The following OR56A4 variants were observed in gnomAD, a reference collection of about 807,000 sequenced individuals.
The protein encoded by OR56A4 is olfactory receptor family 56 subfamily A member 4.
In OR56A4, 9 loss-of-function variants were observed where a neutral mutation model predicts 13.6. The ratio of observed to expected loss-of-function variants is 0.66; its 90% CI spans 0.40 to 1.15. The LOEUF is 1.15. OR56A4 is among the 50% of genes most tolerant of loss of function. OR56A4 has a pLI of 0.01. For missense variants in OR56A4, 380 were observed against 375.9 expected (o/e 1.01, Z -0.09); for synonymous variants, 167 against 153.9 (o/e 1.08, Z -0.63).
intron 2 of OR56A4, among the ~76,000 whole-genome samples, chr11:6,004,461 G>C (rs913874483): frequency 2.0e-5 from 3 of 152,342 alleles, no homozygotes; most frequent in Admixed American, 2.0e-4. Context: ...TAAGAGGATT[G>C]AGGTGTGCAT....
intron 2 of OR56A4, among the ~76,000 whole-genome samples, chr11:6,005,259 G>T (rs543592127): frequency 6.6e-6 from 1 of 151,934 alleles, no homozygotes; most frequent in African/African-American, 2.4e-5. Flanking sequence ...GAGCATCAAA[G>T]GACAAAAAAA....
At position 6,002,376 on chromosome 11, in the gene OR56A4, C is replaced by A. The variant is rs1226161950; in HGVS notation, c.617G>T (p.Gly206Val). 1.9e-6 allele frequency: 3 copies of A among 1,614,070 alleles called. No individual in the cohort carries two copies. Among genetic ancestry groups the A allele is most frequent in the African/African-American group, 1.3e-5 (1 of 74,934 alleles). The part of the protein sequence containing the change: ...TFNQLYQFVA[G>V]WTLLGSDLIL... ...AAGATCAGAGCCCAACAGAGTCCAG[C>A]CTGCCACAAACTGGTAGAGCTGATT... The change falls in exon 3 of 3, where the codon GGC (glycine) becomes GTC (valine). Residue 206 changes from glycine (G) to valine (V), a missense_variant. By Grantham distance (109) the Gly-to-Val change is moderately radical. Transcript: ENST00000641156.
In OR56A4 at chr11:6,002,293, C is replaced by CGG; in HGVS notation, c.698_699dup (p.Glu234ProfsTer9). The CGG allele has an allele frequency of 6.2e-7, 1 of 1,614,166 alleles. No homozygotes were observed. Among genetic ancestry groups the CGG allele is most frequent in the Non-Finnish European group, 8.5e-7 (1 of 1,180,026 alleles). ...CTCAAGGCCTTGGCCACAGCACCCT[C>CGG]GGCCTTGATCCTAAGCACAACTTTC... On this transcript the variant is annotated frameshift_variant, in exon 3 of 3. Transcript: ENST00000641156. LOFTEE classifies it high-confidence loss of function.
At chr11:6,004,291 T>C (rs899712487) in intron 2 of OR56A4, among the ~76,000 whole-genome samples, 1 of 151,804 alleles carries the variant, frequency 6.6e-6, no homozygotes, top group African/African-American at 2.4e-5. Context: ...GGGGCGGAGG[T>C]TGCAGTGAGC....
At position 6,002,979 on chromosome 11, in the gene OR56A4, C is replaced by T; in HGVS notation, c.14G>A (p.Ser5Asn). Reference sequence around the variant, plus strand: ...AGAGACTGGGGCAGTGGAGTCATTGCTGGGAGATGCCATGTAAAGTTTCCT... The same window carrying T: ...AGAGACTGGGGCAGTGGAGTCATTGTTGGGAGATGCCATGTAAAGTTTCCT... MASP[S>N]NDSTAPVSEF... Residue 5 changes from serine (S) to asparagine (N), a missense_variant, in exon 3 of 3, where the codon AGC (serine) becomes AAC (asparagine). Ser to Asn is a conservative substitution (Grantham distance 46, BLOSUM62 1). Coordinates refer to ENST00000641156, the MANE Select transcript of OR56A4 (RefSeq NM_001005179.4). 6.2e-7 allele frequency: 1 copy of T among 1,614,032 alleles called. No individual in the cohort carries two copies.
At position 6,002,925 on chromosome 11, in the gene OR56A4, A is replaced by T; in HGVS notation, c.68T>A (p.Phe23Tyr). 2 of 1,613,878 alleles carry T rather than the reference A, an allele frequency of 1.2e-6. No homozygotes were observed. Among genetic ancestry groups the T allele is most frequent in the Non-Finnish European group, 1.7e-6 (2 of 1,179,918 alleles). The change falls in exon 3 of 3, where the codon TTC (phenylalanine) becomes TAC (tyrosine). Residue 23 changes from phenylalanine to tyrosine, a missense_variant. Transcript: ENST00000641156. ...SEFLLICFPN[F>Y]QSWQHWLSLP... The stretch of plus-strand genomic sequence containing the variant: ...AGACAACCAGTGCTGCCAGCTCTGG[A>T]AGTTGGGGAAGCAGATGAGGAGGAA...
chr11:6,002,725 A>C lies in OR56A4; in HGVS notation c.268T>G (p.Phe90Val). The change falls in exon 3 of 3, where the codon TTT (phenylalanine) becomes GTT (valine). Residue 90 changes from phenylalanine to valine, a missense_variant. Phe to Val is a conservative substitution (Grantham distance 50, BLOSUM62 -1). Coordinates refer to ENST00000641156, the MANE Select transcript of OR56A4 (RefSeq NM_001005179.4). ...VIPKVLAIFWFDLRSISFPAC... is the reference protein window; with the variant it reads ...VIPKVLAIFWVDLRSISFPAC... ...GGGAAGCTGATCGACCTGAGGTCAA[A>C]CCAGAAGATGGCCAGGACCTTGGGG... 6.2e-7 allele frequency: 1 copy of C among 1,614,226 alleles called. No homozygotes were observed. The highest frequency in any genetic ancestry group is 2.2e-5 in the East Asian group (1 of 44,890).
chr11:6,006,173 T>C (rs1275659043), intron 2 of OR56A4, 76 bp downstream of exon 2: 1 of 152,188 alleles, frequency 6.6e-6, no homozygotes, highest in African/African-American at 2.4e-5. Flanking sequence ...GGAAGACATA[T>C]GTTCTTTTGG....
At chr11:6,004,524 T>A (rs1465138326) in intron 2 of OR56A4, among the ~76,000 whole-genome samples, 1 of 152,224 alleles carries the variant, frequency 6.6e-6, no homozygotes, top group African/African-American at 2.4e-5. Flanking sequence ...AAGTATTTAT[T>A]TAATCCAAGA....
chr11:6,002,702 G>A lies in OR56A4; in HGVS notation c.291C>T (p.Phe97=). The A allele has an allele frequency of 6.2e-7, 1 of 1,614,236 alleles. No individual in the cohort carries two copies. Among genetic ancestry groups the A allele is most frequent in the Non-Finnish European group, 8.5e-7 (1 of 1,180,046 alleles). ...IFWFDLRSIS[F]PACFLQMFIM... ...TGAACATCTGGAGGAAGCAGGCTGGGAAGCTGATCGACCTGAGGTCAAACC... is the reference window on the plus strand; with the variant it reads ...TGAACATCTGGAGGAAGCAGGCTGGAAAGCTGATCGACCTGAGGTCAAACC... Residue 97 remains phenylalanine (F), a synonymous_variant, in exon 3 of 3, where the codon TTC becomes TTT. Transcript: ENST00000641156.
rs183135702 is a variant in OR56A4 at position 6,002,202 on chromosome 11, G to A, written c.791C>T (p.Thr264Ile). The A allele has an allele frequency of 4.1e-4, 657 of 1,614,194 alleles. 1 individual carries two copies. The highest frequency in any genetic ancestry group is 5.0e-5 in the Admixed American group (3 of 60,036). The change falls in exon 3 of 3, where the codon ACT becomes ATT. Residue 264 changes from threonine (T) to isoleucine (I), a missense_variant. Coordinates refer to ENST00000641156, the MANE Select transcript of OR56A4 (RefSeq NM_001005179.4). ...AGGAATTCTCTTCCTGGCCAGGTTA[G>A]TGATGACCAGAACCAGCAGGACTGT... Reference protein sequence around the residue: ...FSTVLLVLVITNLARKRIPPD... With the variant: ...FSTVLLVLVIINLARKRIPPD...
rs183421546 is a variant in OR56A4, at chr11:6,005,271, T to C, written c.-37+978A>G. Among the ~76,000 whole-genome samples, 441 of 152,064 alleles carry C rather than the reference T, an allele frequency of 2.9e-3. 2 individuals carry two copies. Among genetic ancestry groups the C allele is most frequent in the African/African-American group, 0.01 (433 of 41,448 alleles). On this transcript the variant is annotated intron_variant, in intron 2 of 2. Coordinates refer to ENST00000641156, the MANE Select transcript of OR56A4 (RefSeq NM_001005179.4). ...TAAGAGCATCAAAGGACAAAAAAAA[T>C]GAGGTAACATTTCGTGGGGGAGAAT...
intron 2 of OR56A4, among the ~76,000 whole-genome samples, chr11:6,004,208 T>A (rs1314293173): frequency 6.6e-6 from 1 of 152,008 alleles, no homozygotes; most frequent in Non-Finnish European, 1.5e-5. Flanking sequence ...AAAAATTAGC[T>A]GGGTGTGGTG....
intron 2 of OR56A4, among the ~76,000 whole-genome samples, chr11:6,005,854 T>C (rs10839225): frequency 0.19 from 28,289 of 152,092 alleles, 3,067 homozygotes; most frequent in East Asian, 0.41. Flanking sequence ...CACTTTCTAA[T>C]ACCATCATCT....
chr11:6,002,385 A>G lies in OR56A4; in HGVS notation c.608T>C (p.Phe203Ser), dbSNP rs768568860. 4.3e-6 allele frequency: 7 copies of G among 1,614,108 alleles called. No individual in the cohort carries two copies. Among genetic ancestry groups the G allele is most frequent in the Non-Finnish European group, 5.1e-6 (6 of 1,180,042 alleles). The stretch of plus-strand genomic sequence containing the variant: ...GCCCAACAGAGTCCAGCCTGCCACA[A>G]ACTGGTAGAGCTGATTGAAAGTGAT... ...DDITFNQLYQ[F>S]VAGWTLLGSD... Residue 203 changes from phenylalanine (F) to serine (S), a missense_variant, in exon 3 of 3, where the codon TTT (phenylalanine) becomes TCT (serine). By Grantham distance (155) the Phe-to-Ser change is radical. Coordinates refer to ENST00000641156, the MANE Select transcript of OR56A4 (RefSeq NM_001005179.4).
At position 6,002,716 on chromosome 11, in the gene OR56A4, TGA is replaced by T; in HGVS notation, c.275_276del (p.Leu92GlnfsTer32). The T allele has an allele frequency of 6.2e-7, 1 of 1,614,208 alleles. No individual in the cohort carries two copies. Among genetic ancestry groups the T allele is most frequent in the East Asian group, 2.2e-5 (1 of 44,892 alleles). ...AAGCAGGCTGGGAAGCTGATCGACCTGAGGTCAAACCAGAAGATGGCCAGGAC... is the reference window on the plus strand; with the variant it reads ...AAGCAGGCTGGGAAGCTGATCGACCTGGTCAAACCAGAAGATGGCCAGGAC... ...PKVLAIFWFD[L>X]RSISFPACFL... On this transcript the variant is annotated frameshift_variant, in exon 3 of 3. Coordinates refer to ENST00000641156, the MANE Select transcript of OR56A4 (RefSeq NM_001005179.4). LOFTEE classifies it high-confidence loss of function.
rs1385355295 is a variant in OR56A4, at chr11:6,000,691, G to A, written c.*1360C>T. On this transcript the variant is annotated 3_prime_UTR_variant, in exon 3 of 3. Transcript: ENST00000641156. ...GTGATAATGGTAAAAGAAGGCTGAT[G>A]TGAGAAGCATCAAATGATTGAAGAG... 3 of 152,176 alleles carry A rather than the reference G, an allele frequency of 2.0e-5. No homozygotes were observed. The highest frequency in any genetic ancestry group is 4.4e-5 in the Non-Finnish European group (3 of 68,020). The allele number at this position is 152,176 out of a possible 1,614,324, so 9.4% of individuals were successfully genotyped here.
chr11:6,002,115 A>G lies in OR56A4; in HGVS notation c.878T>C (p.Ile293Thr). Reference protein sequence around the residue: ...HHLIPPALNPIVYGVRTKEIK... With the variant: ...HHLIPPALNPTVYGVRTKEIK... ...CTCCTTGGTTCTCACACCATAAACA[A>G]TGGGGTTCAGAGCTGGGGGAATGAG... is the stretch of plus-strand genomic sequence containing the variant. The change falls in exon 3 of 3, where the codon ATT (isoleucine) becomes ACT (threonine). Residue 293 changes from isoleucine (I) to threonine (T), a missense_variant. Physicochemically the swap from Ile to Thr is moderately conservative, Grantham distance 89 (BLOSUM62 -1). Transcript: ENST00000641156. 1 of 1,613,400 alleles carries G rather than the reference A, an allele frequency of 6.2e-7. No homozygotes were observed.
Position 6,002,284 on chromosome 11 carries a change from C to A in OR56A4, c.709G>T (p.Val237Leu). The change falls in exon 3 of 3, where the codon GTG (valine) becomes TTG (leucine). Residue 237 changes from valine to leucine, a missense_variant. Coordinates refer to ENST00000641156, the MANE Select transcript of OR56A4 (RefSeq NM_001005179.4). Reference sequence around the variant, plus strand: ...CCACACGTGCTCAAGGCCTTGGCCACAGCACCCTCGGCCTTGATCCTAAGC... The same window carrying A: ...CCACACGTGCTCAAGGCCTTGGCCAAAGCACCCTCGGCCTTGATCCTAAGC... ...VVLRIKAEGA[V>L]AKALSTCGSH... The A allele has an allele frequency of 6.2e-7, 1 of 1,614,216 alleles. No homozygotes were observed. Among genetic ancestry groups the A allele is most frequent in the Non-Finnish European group, 8.5e-7 (1 of 1,180,036 alleles).
Sources: gnomAD v4.1 joint callset for allele counts (sites outside exome capture counted in the v4.1 genomes callset) on GRCh38, gnomAD v4.1.1 for gene constraint, MANE v1.5 for transcripts, NCBI Gene and HGNC (gene_info 2026-07-23, HGNC 2026-07-21) for gene names.